The following GRIN2A variants were observed in gnomAD, a reference collection of about 807,000 sequenced individuals.
GRIN2A encodes the protein glutamate ionotropic receptor NMDA type subunit 2A, also known as glutamate receptor ionotropic, NMDA 2A.
A neutral mutation model predicts 113.4 loss-of-function variants in GRIN2A; 22 were observed. The ratio of observed to expected loss-of-function variants is 0.19; its 90% CI spans 0.14 to 0.28. GRIN2A has a LOEUF of 0.28. Among genes scored for constraint, GRIN2A ranks in the 10% least tolerant of loss-of-function variants. GRIN2A has a pLI of 1.00. For missense variants in GRIN2A, 1,502 were observed against 1,887.0 expected, an observed-to-expected ratio of 0.80 and a Z score of 3.78; for synonymous variants, 827 against 738.4, an observed-to-expected ratio of 1.12 and a Z score of -1.94.
chr16:10,176,436 A>C (rs2050149919), intron 2 of GRIN2A, among the ~76,000 whole-genome samples: 1 of 152,218 alleles, frequency 6.6e-6, no homozygotes, highest in African/African-American at 2.4e-5. Context: ...AATTGTTATA[A>C]GGCTTTGTTA....
chr16:10,065,645 G>C (rs1371008997), intron 2 of GRIN2A, among the ~76,000 whole-genome samples: 6 of 152,216 alleles, frequency 3.9e-5, no homozygotes, highest in Non-Finnish European at 7.3e-5. Flanking sequence ...CATGGATGAA[G>C]GGCATCTAGC....
At chr16:9,965,389 A>G (rs1169670051) in intron 2 of GRIN2A, among the ~76,000 whole-genome samples, 1 of 152,204 alleles carries the variant, frequency 6.6e-6, no homozygotes, top group Non-Finnish European at 1.5e-5. Flanking sequence ...AATGCCCCCC[A>G]AAGCTGCCTC....
chr16:9,947,844 G>C (rs1186355527), intron 2 of GRIN2A, among the ~76,000 whole-genome samples: 2 of 151,956 alleles, frequency 1.3e-5, no homozygotes, highest in Non-Finnish European at 2.9e-5. Flanking sequence ...TTGTGATTGG[G>C]ATAATGCATG....
chr16:10,146,408 TCAA>T (rs1369809411), intron 2 of GRIN2A, among the ~76,000 whole-genome samples: 2 of 152,106 alleles, frequency 1.3e-5, no homozygotes, highest in Non-Finnish European at 2.9e-5. Context: ...CCCAGCCCAT[TCAA>T]CAACATTTTA....
intron 2 of GRIN2A, 124 bp downstream of exon 2, chr16:10,179,874 A>T: frequency 1.6e-6 from 1 of 629,318 alleles, no homozygotes; most frequent in Non-Finnish European, 2.9e-6. Context: ...AGTGGCCACG[A>T]CCCTCCCACC....
At chr16:10,145,381 G>A (rs955810705) in intron 2 of GRIN2A, among the ~76,000 whole-genome samples, 6 of 152,172 alleles carry the variant, frequency 3.9e-5, no homozygotes, top group Non-Finnish European at 8.8e-5. Context: ...AACTGTTGAA[G>A]TGAAAGATAT....
Position 9,970,770 on chromosome 16 carries a change from C to A in GRIN2A, c.415-32219G>T. The A allele has an allele frequency of 3.1e-6, 3 of 959,938 alleles. No individual in the cohort carries two copies. The South Asian group carries it at 1.4e-4, about 46-fold the overall frequency. 59.5% of individuals were successfully genotyped at this position (959,938 alleles called of 1,614,324 possible). ...TAAGAAAATTACAGGCTGGTAAACT[C>A]TCAACAGGAGAAATATTGGATATAT... On this transcript the variant is annotated intron_variant, in intron 2 of 12. Transcript: ENST00000330684.
At chr16:9,794,062 G>A (rs958269381) in intron 11 of GRIN2A, among the ~76,000 whole-genome samples, 2 of 152,208 alleles carry the variant, frequency 1.3e-5, no homozygotes, top group Non-Finnish European at 1.5e-5. Context: ...TGAAACATAT[G>A]CATGAGCATT....
intron 2 of GRIN2A, among the ~76,000 whole-genome samples, chr16:10,082,633 G>A (rs1351088605): frequency 1.3e-5 from 2 of 152,178 alleles, no homozygotes; most frequent in Non-Finnish European, 1.5e-5. Context: ...CTCAGAGACT[G>A]GAAGCAGCAG....
chr16:10,040,662 C>G (rs116229806), intron 2 of GRIN2A, among the ~76,000 whole-genome samples: 1 of 151,902 alleles, frequency 6.6e-6, no homozygotes, highest in East Asian at 1.9e-4. Context: ...CAAATACACA[C>G]ACACTCACAT....
chr16:9,838,556 A>G (rs1473539331), intron 7 of GRIN2A, among the ~76,000 whole-genome samples: 1 of 152,238 alleles, frequency 6.6e-6, no homozygotes, highest in Non-Finnish European at 1.5e-5. Flanking sequence ...TAGCAAATAA[A>G]TGACTGTTGT....
chr16:9,879,046 ATTATT>A (rs1232174790), intron 4 of GRIN2A, among the ~76,000 whole-genome samples: 3 of 152,156 alleles, frequency 2.0e-5, no homozygotes, highest in Admixed American at 6.5e-5. Context: ...AAGTCAGATG[ATTATT>A]TTATTTTATT....
chr16:10,103,908 C>T (rs578024527), intron 2 of GRIN2A, among the ~76,000 whole-genome samples: 1 of 152,332 alleles, frequency 6.6e-6, no homozygotes, highest in South Asian at 2.1e-4. Context: ...CCTCATTTCT[C>T]TCCACTCTCA....
chr16:10,151,473 G>A (rs2049570616), intron 2 of GRIN2A, among the ~76,000 whole-genome samples: 1 of 152,128 alleles, frequency 6.6e-6, no homozygotes, highest in Non-Finnish European at 1.5e-5. Context: ...TTCCTTCAAG[G>A]TGCAAACATA....
chr16:9,854,830 C>G (rs759175271), intron 4 of GRIN2A, among the ~76,000 whole-genome samples: 7 of 152,152 alleles, frequency 4.6e-5, no homozygotes, highest in Non-Finnish European at 8.8e-5. Context: ...TTTCCTCCAG[C>G]AGTGCTTCCA....
chr16:9,902,866 G>C (rs769150334), intron 3 of GRIN2A, among the ~76,000 whole-genome samples: 1 of 147,286 alleles, frequency 6.8e-6, no homozygotes, highest in Non-Finnish European at 1.5e-5. Flanking sequence ...CCCAGTATTT[G>C]TTTTTAACAA....
chr16:10,132,067 C>A (rs192736755), intron 2 of GRIN2A, among the ~76,000 whole-genome samples: 1 of 151,992 alleles, frequency 6.6e-6, no homozygotes, highest in East Asian at 1.9e-4. Flanking sequence ...CTTGGTGGCT[C>A]GCGCCTGTAA....
At chr16:9,934,435 C>G (rs928951487) in intron 3 of GRIN2A, among the ~76,000 whole-genome samples, 13 of 152,068 alleles carry the variant, frequency 8.5e-5, no homozygotes, top group Admixed American at 1.3e-4. Context: ...AATCCCAGCA[C>G]TTTGGGAGGC....
intron 2 of GRIN2A, among the ~76,000 whole-genome samples, chr16:9,993,931 G>A (rs1567222883): frequency 6.6e-6 from 1 of 152,132 alleles, no homozygotes; most frequent in East Asian, 1.9e-4. Context: ...GTAATCCTCT[G>A]GTCTTCTGTT....
Sources: allele counts gnomAD v4.1 joint callset (sites outside exome capture counted in the v4.1 genomes callset), GRCh38; gene constraint gnomAD v4.1.1; transcripts MANE v1.5; gene names NCBI Gene and HGNC (gene_info 2026-07-23, HGNC 2026-07-21).